The following SLC22A23 variants were observed in gnomAD, a reference collection of about 807,000 sequenced individuals.
SLC22A23 encodes ion transporter protein.
A neutral mutation model predicts 61.0 loss-of-function variants in SLC22A23; 26 were observed. That is an observed-to-expected ratio of 0.43 (90% CI 0.31 to 0.59). The LOEUF is 0.59. SLC22A23 is among the 20% of genes least tolerant of loss of function. SLC22A23 has a pLI of 0.11. For missense variants in SLC22A23, 796 were observed against 934.7 expected (o/e 0.85, Z 1.94); for synonymous variants, 430 against 413.9 (o/e 1.04, Z -0.47).
At chr6:3,369,114 C>A (rs1430520338) in intron 3 of SLC22A23, among the ~76,000 whole-genome samples, 1 of 151,690 alleles carries the variant, frequency 6.6e-6, no homozygotes, top group African/African-American at 2.4e-5. Flanking sequence ...TTTAGCCCAG[C>A]TGATAATTCC....
intron 1 of SLC22A23, among the ~76,000 whole-genome samples, chr6:3,417,078 G>A (rs1317353245): frequency 1.3e-5 from 2 of 152,074 alleles, no homozygotes; most frequent in East Asian, 1.9e-4. Context: ...GAGCCTTATC[G>A]AGGCCCCTGA....
intron 1 of SLC22A23, among the ~76,000 whole-genome samples, chr6:3,450,172 T>C (rs1772096710): frequency 6.6e-6 from 1 of 152,274 alleles, no homozygotes; most frequent in African/African-American, 2.4e-5. Flanking sequence ...TTTTATGCTA[T>C]GCTTTCTGTA....
chr6:3,291,466 G>C (rs1322164252), intron 5 of SLC22A23: 1 of 152,228 alleles, frequency 6.6e-6, no homozygotes, highest in Non-Finnish European at 1.5e-5. Context: ...CCTTTCACTT[G>C]TCTGAGGGAG....
chr6:3,388,003 C>T lies in SLC22A23; in HGVS notation c.913+22185G>A, dbSNP rs577944501. On this transcript the variant is annotated intron_variant, in intron 3 of 9. Transcript: ENST00000406686. Reference sequence around the variant, plus strand: ...CTCTGGCAAGTGCAATTTTTCCCACCAGTTATCCTAAAATCAAATTAAAAC... The same window carrying T: ...CTCTGGCAAGTGCAATTTTTCCCACTAGTTATCCTAAAATCAAATTAAAAC... Among the ~76,000 whole-genome samples the T allele has an allele frequency of 2.0e-5, 3 of 152,230 alleles. No homozygotes were observed. The East Asian group carries it at 5.8e-4, about 29-fold the overall frequency.
At chr6:3,337,778 C>T (rs1184356512) in intron 3 of SLC22A23, among the ~76,000 whole-genome samples, 1 of 152,150 alleles carries the variant, frequency 6.6e-6, no homozygotes, top group African/African-American at 2.4e-5. Flanking sequence ...TTTTCCAATT[C>T]GTGAAAGGAA....
chr6:3,340,752 G>A (rs1171182745), intron 3 of SLC22A23, among the ~76,000 whole-genome samples: 1 of 152,208 alleles, frequency 6.6e-6, no homozygotes, highest in East Asian at 1.9e-4. Flanking sequence ...TGACGTGCTA[G>A]AGACATGAGA....
At chr6:3,299,396 G>A (rs903300925) in intron 4 of SLC22A23, among the ~76,000 whole-genome samples, 3 of 152,144 alleles carry the variant, frequency 2.0e-5, no homozygotes, top group African/African-American at 4.8e-5. Context: ...TCACTGTCCC[G>A]GGGTTTCCTT....
chr6:3,428,330 C>T (rs1770641643), intron 1 of SLC22A23, among the ~76,000 whole-genome samples: 1 of 152,132 alleles, frequency 6.6e-6, no homozygotes, highest in Non-Finnish European at 1.5e-5. Context: ...CCTCGGATGG[C>T]CAGCTCCTGA....
rs751230502 is a variant in SLC22A23, at chr6:3,298,183, G to A, written c.1118C>T (p.Thr373Ile). The A allele has an allele frequency of 1.9e-6, 3 of 1,591,880 alleles. No individual in the cohort carries two copies. The highest frequency in any genetic ancestry group is 2.6e-6 in the Non-Finnish European group (3 of 1,172,064). ...CCTCTTTGCAGACTCAAACTGCTGG[G>A]TGGCCATTAGCCACCGGAGGGACTC... ...FPESLRWLMA[T>I]QQFESAKRLI... is the part of the protein sequence containing the mutation. The change falls in exon 5 of 10, where the codon ACC becomes ATC. Residue 373 changes from threonine (T) to isoleucine (I), a missense_variant. Thr to Ile is a moderately conservative substitution (Grantham distance 89). Coordinates refer to ENST00000406686, the MANE Select transcript of SLC22A23 (RefSeq NM_015482.2).
intron 1 of SLC22A23, among the ~76,000 whole-genome samples, chr6:3,452,103 G>C (rs918165087): frequency 6.6e-6 from 1 of 152,168 alleles, no homozygotes; most frequent in African/African-American, 2.4e-5. Flanking sequence ...ATCTGAGGTA[G>C]GCTGGGCTAA....
At chr6:3,445,238 C>G (rs567395990) in intron 1 of SLC22A23, among the ~76,000 whole-genome samples, 6 of 152,090 alleles carry the variant, frequency 3.9e-5, no homozygotes, top group African/African-American at 1.4e-4. Flanking sequence ...TCACTGTGTC[C>G]CCCAGGCTGG....
intron 4 of SLC22A23, among the ~76,000 whole-genome samples, chr6:3,320,765 C>G (rs1762901075): frequency 6.6e-6 from 1 of 152,106 alleles, no homozygotes. Flanking sequence ...TTCTCACCAC[C>G]CACTTTTTAA....
chr6:3,299,968 C>T (rs145672759), intron 4 of SLC22A23, among the ~76,000 whole-genome samples: 223 of 148,070 alleles, frequency 1.5e-3, no homozygotes, highest in African/African-American at 4.6e-3. Context: ...TTGTAAGTAC[C>T]GAACACCTGC....
At chr6:3,407,185 T>C (rs1407686222) in intron 3 of SLC22A23, among the ~76,000 whole-genome samples, 1 of 152,218 alleles carries the variant, frequency 6.6e-6, no homozygotes, top group East Asian at 1.9e-4. Context: ...AGTTTTAAAC[T>C]TCCCTTTAGA....
In SLC22A23 at chr6:3,360,991, T is replaced by C. The variant is rs1444361042; in HGVS notation, c.914-36989A>G. 2.6e-5 allele frequency among the ~76,000 whole-genome samples: 4 copies of C among 152,160 alleles called. No individual in the cohort carries two copies. On this transcript the variant is annotated intron_variant, in intron 3 of 9. Transcript: ENST00000406686. The surrounding 1 kb of genome is among the most constrained non-coding windows in gnomAD (Gnocchi z 4.6). ...TGCGGGGAGCTCGAGGCAGCAGGGA[T>C]GTCCAGGCCACAGAAGGTGTCCCAC...
At chr6:3,275,574 C>G (rs781415945) in intron 9 of SLC22A23, among the ~76,000 whole-genome samples, 25 of 152,174 alleles carry the variant, frequency 1.6e-4, no homozygotes, top group Non-Finnish European at 3.2e-4. Flanking sequence ...AGATAAAGGA[C>G]TTGTAACTAG....
At chr6:3,312,222 C>T (rs1033156963) in intron 4 of SLC22A23, 26 of 152,142 alleles carry the variant, frequency 1.7e-4, no homozygotes, top group Admixed American at 3.9e-4. Flanking sequence ...TACTTGGAGT[C>T]CAGTTGCAGG....
intron 1 of SLC22A23, 99 bp from the exon 2 acceptor site, chr6:3,415,954 G>A (rs41301851): frequency 3.3e-5 from 27 of 812,300 alleles, no homozygotes; most frequent in Non-Finnish European, 4.6e-5. Flanking sequence ...AGGGACCACC[G>A]CACCGTTGCC....
intron 1 of SLC22A23, among the ~76,000 whole-genome samples, chr6:3,450,410 G>T (rs986439143): frequency 6.6e-6 from 1 of 152,138 alleles, no homozygotes; most frequent in Non-Finnish European, 1.5e-5. Flanking sequence ...AGGTTCAAGC[G>T]ATTCTCCTAC....
Sources: gnomAD v4.1 joint callset for allele counts (sites outside exome capture counted in the v4.1 genomes callset) on GRCh38, gnomAD v4.1.1 for gene constraint, Gnocchi (gnomAD v3.1) non-coding constraint, MANE v1.5 for transcripts, NCBI Gene and HGNC (gene_info 2026-07-23, HGNC 2026-07-21) for gene names.